DOCK1: variants seen among roughly 807,000 people sequenced by gnomAD.
DOCK1 encodes the protein dedicator of cytokinesis 1, also known as dedicator of cytokinesis protein 1.
A neutral mutation model predicts 262.7 loss-of-function variants in DOCK1; 138 were observed. The observed-to-expected ratio is 0.53, with a 90% confidence interval of 0.46 to 0.61. The LOEUF (loss-of-function observed/expected upper bound fraction) is 0.61, where lower values mean the gene tolerates loss of function less well. DOCK1 is among the 20% of genes least tolerant of loss of function. The probability of loss-of-function intolerance (pLI) is 0.00; values close to 1 mark genes in which losing one functional copy is unlikely to be tolerated. For missense variants in DOCK1, 1,908 were observed against 2,370.7 expected, an observed-to-expected ratio of 0.80 and a Z score of 4.05; for synonymous variants, 866 against 867.4, an observed-to-expected ratio of 1.00 and a Z score of 0.03.
chr10:127,260,679 ATGTGGGTGTG>A (rs1489598865), intron 29 of DOCK1, among the ~76,000 whole-genome samples: 1 of 88,392 alleles, frequency 1.1e-5, no homozygotes, highest in Non-Finnish European at 2.3e-5. Flanking sequence ...ATGTGTGTGC[ATGTGGGTGTG>A]TGTGTACTCG....
intron 43 of DOCK1, among the ~76,000 whole-genome samples, chr10:127,411,765 A>G (rs1233583155): frequency 3.3e-5 from 5 of 152,010 alleles, no homozygotes; most frequent in African/African-American, 1.2e-4. Context: ...GCTTGAACCC[A>G]GGAGGCAGAG....
intron 27 of DOCK1, among the ~76,000 whole-genome samples, chr10:127,143,194 C>T (rs530564147): frequency 6.6e-6 from 1 of 152,320 alleles, no homozygotes; most frequent in Admixed American, 6.5e-5. Context: ...TTGCCTTCTG[C>T]AGTCGTCCAT....
chr10:126,931,881 T>C (rs995436137), intron 1 of DOCK1, among the ~76,000 whole-genome samples: 5 of 152,154 alleles, frequency 3.3e-5, no homozygotes, highest in Non-Finnish European at 7.3e-5. Flanking sequence ...CCTGGCATTA[T>C]TATTAGCCCA....
intron 1 of DOCK1, among the ~76,000 whole-genome samples, chr10:126,944,724 G>A (rs1188408887): frequency 6.6e-6 from 1 of 152,076 alleles, no homozygotes; most frequent in Non-Finnish European, 1.5e-5. Context: ...GGCTCGTGTG[G>A]GCAATGTCGC....
intron 23 of DOCK1, among the ~76,000 whole-genome samples, chr10:127,101,464 C>T (rs1317453810): frequency 2.0e-5 from 3 of 152,176 alleles, no homozygotes; most frequent in Non-Finnish European, 2.9e-5. Context: ...CCTCATTTAC[C>T]GAAAGACACA....
At chr10:127,447,636 C>G (rs747053483) in intron 51 of DOCK1, 91 bp downstream of exon 51, 14 of 1,516,596 alleles carry the variant, frequency 9.2e-6, no homozygotes, top group Non-Finnish European at 9.7e-6. Flanking sequence ...AGGTTTACTT[C>G]GGGCTAGTGA....
At chr10:127,251,356 G>C (rs1294613738) in intron 28 of DOCK1, among the ~76,000 whole-genome samples, 1 of 151,928 alleles carries the variant, frequency 6.6e-6, no homozygotes, top group African/African-American at 2.4e-5. Flanking sequence ...TATGAAAGTG[G>C]CCAAAACACT....
rs979848299 is a variant in DOCK1, at chr10:127,008,809, G to A, written c.1058+5G>A. 1 of 1,595,058 alleles carries A rather than the reference G, an allele frequency of 6.3e-7. No homozygotes were observed. Among genetic ancestry groups the A allele is most frequent in the African/African-American group, 1.3e-5 (1 of 74,738 alleles). ...GCATTTCATTCCCTTTCAGCCGTAA[G>A]TATGGAGCAATTCAAGTACTTAGCC... On this transcript the variant is annotated splice_donor_5th_base_variant and intron_variant, in intron 11 of 51. Transcript: ENST00000623213.
chr10:127,377,382 T>G (rs990702264), intron 35 of DOCK1, among the ~76,000 whole-genome samples: 1 of 152,134 alleles, frequency 6.6e-6, no homozygotes, highest in Non-Finnish European at 1.5e-5. Flanking sequence ...TGTATACATA[T>G]TGGAGATGTA....
intron 27 of DOCK1, among the ~76,000 whole-genome samples, chr10:127,166,232 A>AT (rs1240588476): frequency 6.6e-6 from 1 of 151,830 alleles, no homozygotes; most frequent in Non-Finnish European, 1.5e-5. Flanking sequence ...CGCCCAGCTA[A>AT]TTTTTTTTAT....
chr10:127,382,755 C>T (rs756292477), intron 37 of DOCK1, among the ~76,000 whole-genome samples: 5 of 152,196 alleles, frequency 3.3e-5, no homozygotes, highest in African/African-American at 4.8e-5. Context: ...ACCCTTACTC[C>T]GTCCCTCATA....
chr10:127,023,350 T>G (rs1298851285), intron 14 of DOCK1, 26 bp downstream of exon 14: 1 of 1,612,624 alleles, frequency 6.2e-7, no homozygotes, highest in South Asian at 1.1e-5. Flanking sequence ...AGGGCTCATC[T>G]GTAGTGTTTC....
chr10:127,304,675 A>C (rs1183970749), intron 29 of DOCK1, among the ~76,000 whole-genome samples: 1 of 152,138 alleles, frequency 6.6e-6, no homozygotes, highest in African/African-American at 2.4e-5. Context: ...GCTTGAGCCC[A>C]GGTGTTTGAG....
intron 6 of DOCK1, among the ~76,000 whole-genome samples, chr10:126,993,456 C>T (rs1169638364): frequency 2.0e-5 from 3 of 152,196 alleles, no homozygotes; most frequent in South Asian, 2.1e-4. Flanking sequence ...ATGCCCACAC[C>T]GTCACTGACC....
Position 127,418,478 on chromosome 10 carries a change from C to G in DOCK1, c.4629C>G (p.Leu1543=), listed in dbSNP as rs768537901. Residue 1543 remains leucine, a synonymous_variant, in exon 45 of 52, where the codon CTC becomes CTG. Transcript: ENST00000623213. ...ACCCCAGCCTGCCCATCAACCCGCT[C>G]TCCATGCTCCTGAACGGCATCGTGG... ...LDDPSLPINP[L]SMLLNGIVDP... 1.2e-6 allele frequency: 2 copies of G among 1,614,168 alleles called. No individual in the cohort carries two copies. Among genetic ancestry groups the G allele is most frequent in the Non-Finnish European group, 8.5e-7 (1 of 1,180,026 alleles).
At chr10:127,037,257 A>G (rs2043698549) in intron 18 of DOCK1, among the ~76,000 whole-genome samples, 1 of 152,086 alleles carries the variant, frequency 6.6e-6, no homozygotes, top group African/African-American at 2.4e-5. Flanking sequence ...GGGACTCTTA[A>G]CCTTGCAGTC....
At chr10:127,132,293 G>C (rs968467892) in intron 27 of DOCK1, among the ~76,000 whole-genome samples, 27 of 152,166 alleles carry the variant, frequency 1.8e-4, no homozygotes, top group South Asian at 4.1e-4. Context: ...AATGTGCTAT[G>C]ATCCGAAGTA....
In DOCK1 at chr10:127,428,895, G is replaced by A. The variant is rs536301905; in HGVS notation, c.4914+2884G>A. Among the ~76,000 whole-genome samples the A allele has an allele frequency of 8.8e-4, 107 of 120,942 alleles. 1 individual carries two copies. Among genetic ancestry groups the A allele is most frequent in the African/African-American group, 3.0e-3 (96 of 31,872 alleles). 79.3% of individuals were successfully genotyped at this position (120,942 alleles called of 152,430 possible). ...GGGGTGCCATGTGGATTGGGGTACCGTGTGGATTGAGCCGTGTGGATTGGG... is the reference window on the plus strand; with the variant it reads ...GGGGTGCCATGTGGATTGGGGTACCATGTGGATTGAGCCGTGTGGATTGGG... On this transcript the variant is annotated intron_variant, in intron 47 of 51. Transcript: ENST00000623213.
chr10:127,368,360 C>T (rs2133993309), intron 33 of DOCK1, among the ~76,000 whole-genome samples: 1 of 152,308 alleles, frequency 6.6e-6, no homozygotes, highest in Non-Finnish European at 1.5e-5. Flanking sequence ...CCCAGCCATT[C>T]TCCTAAATCA....
Sources: gnomAD v4.1 joint callset for allele counts (sites outside exome capture counted in the v4.1 genomes callset) on GRCh38, gnomAD v4.1.1 for gene constraint, MANE v1.5 for transcripts, NCBI Gene and HGNC (gene_info 2026-07-23, HGNC 2026-07-21) for gene names.